The following RIDA variants were observed in gnomAD, a reference collection of about 807,000 sequenced individuals.
The protein encoded by RIDA is 2-iminobutanoate/2-iminopropanoate deaminase.
Under a neutral mutation model 17.8 loss-of-function variants are expected in RIDA, and 17 were observed. That is an observed-to-expected ratio of 0.96 (90% CI 0.65 to 1.43). The LOEUF (loss-of-function observed/expected upper bound fraction) is 1.43, where lower values mean the gene tolerates loss of function less well. Ranked by LOEUF, RIDA falls within the 40% of genes most tolerant of loss-of-function variation. RIDA has a pLI of 0.00. For missense variants in RIDA, 158 were observed against 161.7 expected, an observed-to-expected ratio of 0.98 and a Z score of 0.12; for synonymous variants, 48 against 55.7, an observed-to-expected ratio of 0.86 and a Z score of 0.62.
chr8:98,112,924 A>G (rs1315683029), intron 1 of RIDA, among the ~76,000 whole-genome samples: 4 of 152,216 alleles, frequency 2.6e-5, no homozygotes, highest in Non-Finnish European at 4.4e-5. Flanking sequence ...GAGCTATGTG[A>G]GTTATCTCTT....
intron 1 of RIDA, among the ~76,000 whole-genome samples, chr8:98,109,953 A>G (rs543123054): frequency 6.6e-6 from 1 of 152,284 alleles, no homozygotes; most frequent in South Asian, 2.1e-4. Context: ...AAATGAAAAC[A>G]TATGTCCAAA....
chr8:98,115,846 G>C (rs1376676117), intron 1 of RIDA, among the ~76,000 whole-genome samples: 1 of 151,944 alleles, frequency 6.6e-6, no homozygotes, highest in East Asian at 1.9e-4. Flanking sequence ...CTGTTGTAAA[G>C]TTTCCTTTTT....
chr8:98,108,076 A>G (rs4461876), intron 2 of RIDA, among the ~76,000 whole-genome samples: 1 of 148,964 alleles, frequency 6.7e-6, no homozygotes, highest in East Asian at 2.0e-4. Flanking sequence ...GGCCTCCCCC[A>G]ACTAATTTTT....
chr8:98,116,643 G>GT (rs1317487007), intron 1 of RIDA, among the ~76,000 whole-genome samples: 1 of 151,130 alleles, frequency 6.6e-6, no homozygotes, highest in African/African-American at 2.4e-5. Context: ...AACTCTGTGA[G>GT]TATGGTCAAA....
chr8:98,106,717 CT>C (rs1481783691), intron 2 of RIDA: 1 of 157,240 alleles, frequency 6.4e-6, no homozygotes, highest in Non-Finnish European at 1.4e-5. Flanking sequence ...GTTCTTTTTC[CT>C]TTTTCTCAAA....
intron 1 of RIDA, among the ~76,000 whole-genome samples, chr8:98,112,590 A>G (rs1346425086): frequency 6.6e-6 from 1 of 152,240 alleles, no homozygotes; most frequent in Non-Finnish European, 1.5e-5. Flanking sequence ...TTTAAACTTG[A>G]TAACATGATT....
At chr8:98,105,325 G>A (rs1187340273) in intron 4 of RIDA, among the ~76,000 whole-genome samples, 2 of 152,038 alleles carry the variant, frequency 1.3e-5, no homozygotes, top group Admixed American at 6.6e-5. Context: ...AATAAGTAAC[G>A]ATGCTTTTTC....
chr8:98,111,491 A>G (rs570637824), intron 1 of RIDA, among the ~76,000 whole-genome samples: 1 of 152,138 alleles, frequency 6.6e-6, no homozygotes, highest in Non-Finnish European at 1.5e-5. Flanking sequence ...CTGTAATTCC[A>G]GCTACTTGGG....
In RIDA at chr8:98,112,195, A is replaced by AACACACACACACACACACACAC. The variant is rs56178607; in HGVS notation, c.66-3466_66-3445dup. ...TGTTATCATAAATAAAACTATACTAAACACACACACACACACACACACACA... is the reference window on the plus strand; with the variant it reads ...TGTTATCATAAATAAAACTATACTAAACACACACACACACACACACACACACACACACACACACACACACACA... On this transcript the variant is annotated intron_variant, in intron 1 of 5. Transcript: ENST00000254878. 5.0e-3 allele frequency among the ~76,000 whole-genome samples: 734 copies of AACACACACACACACACACACAC among 148,032 alleles called. 11 individuals carry two copies. Among genetic ancestry groups the AACACACACACACACACACACAC allele is most frequent in the African/African-American group, 0.017 (692 of 39,808 alleles).
intron 2 of RIDA, chr8:98,106,659 T>C (rs746269288): frequency 5.0e-6 from 1 of 201,184 alleles, no homozygotes; most frequent in Non-Finnish European, 1.0e-5. Flanking sequence ...GATGAGCTAG[T>C]AAGCATTAAA....
intron 1 of RIDA, among the ~76,000 whole-genome samples, chr8:98,110,421 A>G (rs1815710162): frequency 6.6e-6 from 1 of 152,012 alleles, no homozygotes; most frequent in Admixed American, 6.6e-5. Context: ...CACCACGCCC[A>G]GCTAATTTTT....
At position 98,111,605 on chromosome 8, in the gene RIDA, C is replaced by CAA. The variant is rs374861980; in HGVS notation, c.66-2856_66-2855dup. 9.1e-3 allele frequency among the ~76,000 whole-genome samples: 912 copies of CAA among 100,618 alleles called. 8 individuals carry two copies. Among genetic ancestry groups the CAA allele is most frequent in the African/African-American group, 0.029 (790 of 26,860 alleles). 66.0% of individuals were successfully genotyped at this position (100,618 alleles called of 152,430 possible). A position where few individuals can be genotyped will look rare whatever the true frequency, so the allele number is the denominator to read the frequency against. On this transcript the variant is annotated intron_variant, in intron 1 of 5. Coordinates refer to ENST00000254878, the MANE Select transcript of RIDA (RefSeq NM_005836.3). ...TGGGCAACAGAGCAAGACTCTGTGT[C>CAA]AAAAAAAAAAAAAAAGAAGTGAAAT...
Position 98,117,049 on chromosome 8 carries a change from C to T in RIDA, c.48G>A (p.Gly16=), listed in dbSNP as rs1193010019. The part of the protein sequence containing the change: ...RRVISTAKAP[G]AIGPYSQAVL... ...CACGTTACCTGTAGGGTCCAATGGC[C>T]CCTGGGGCTTTCGCGGTGCTGATCA... The change falls in exon 1 of 6, where the codon GGG becomes GGA. Residue 16 remains glycine (G), a synonymous_variant. Coordinates refer to ENST00000254878, the MANE Select transcript of RIDA (RefSeq NM_005836.3). 1.9e-6 allele frequency: 3 copies of T among 1,614,038 alleles called. No homozygotes were observed. Among genetic ancestry groups the T allele is most frequent in the East Asian group, 4.5e-5 (2 of 44,900 alleles).
At chr8:98,104,895 G>T (rs1815611689) in intron 4 of RIDA, among the ~76,000 whole-genome samples, 1 of 151,860 alleles carries the variant, frequency 6.6e-6, no homozygotes, top group Non-Finnish European at 1.5e-5. Context: ...ATTTTTAGTA[G>T]AGTCGGGGCT....
Position 98,108,663 on chromosome 8 carries a change from C to G in RIDA, c.154G>C (p.Ala52Pro). The stretch of plus-strand genomic sequence containing the variant: ...TAACTTACTTGTTTAGCTTCTTCTG[C>G]TACCCCTCCTGACACAAGCTGTCCA... Reference protein sequence around the residue: ...SSGQLVSGGVAEEAKQALKNM... With the variant: ...SSGQLVSGGVPEEAKQALKNM... Residue 52 changes from alanine to proline, a missense_variant, in exon 2 of 6, where the codon GCA (alanine) becomes CCA (proline). Ala to Pro is a conservative substitution (Grantham distance 27). Transcript: ENST00000254878. 2 of 1,611,212 alleles carry G rather than the reference C, an allele frequency of 1.2e-6. No homozygotes were observed. The highest frequency in any genetic ancestry group is 8.5e-7 in the Non-Finnish European group (1 of 1,177,404).
At chr8:98,103,795 C>G (rs548467517) in intron 5 of RIDA, among the ~76,000 whole-genome samples, 1 of 152,134 alleles carries the variant, frequency 6.6e-6, no homozygotes, top group African/African-American at 2.4e-5. Context: ...CGCCACCACA[C>G]CCGGCTAATT....
intron 1 of RIDA, among the ~76,000 whole-genome samples, chr8:98,111,262 ATC>A (rs1815722402): frequency 6.6e-6 from 1 of 152,200 alleles, no homozygotes; most frequent in Non-Finnish European, 1.5e-5. Context: ...AAGAAAGCCT[ATC>A]TGTTTTTTTA....
Position 98,102,809 on chromosome 8 carries a change from T to A in RIDA, c.*33A>T, listed in dbSNP as rs757566721. 6.9e-7 allele frequency: 1 copy of A among 1,443,346 alleles called. No homozygotes were observed. The highest frequency in any genetic ancestry group is 1.3e-5 in the South Asian group (1 of 74,902). 89.4% of individuals were successfully genotyped at this position (1,443,346 alleles called of 1,614,324 possible). On this transcript the variant is annotated 3_prime_UTR_variant, in exon 6 of 6. Coordinates refer to ENST00000254878, the MANE Select transcript of RIDA (RefSeq NM_005836.3). ...ACATCAATTGTAAAAATTAAAATGT[T>A]AACAATTCCAGACTACACAGCACTG...
chr8:98,104,581 G>C (rs766902349), intron 4 of RIDA, 37 bp from the exon 5 acceptor site: 1 of 1,218,136 alleles, frequency 8.2e-7, no homozygotes, highest in Non-Finnish European at 1.2e-6. Flanking sequence ...TAATAGAGAA[G>C]AGTTGAAAAA....
Sources: gnomAD v4.1 joint callset for allele counts (sites outside exome capture counted in the v4.1 genomes callset) on GRCh38, gnomAD v4.1.1 for gene constraint, MANE v1.5 for transcripts, NCBI Gene and HGNC (gene_info 2026-07-23, HGNC 2026-07-21) for gene names.